The following AAK1 variants were observed in gnomAD, a reference collection of about 807,000 sequenced individuals.
AAK1 encodes the protein AP2 associated kinase 1, also known as AP2-associated protein kinase 1.
A neutral mutation model predicts 116.0 loss-of-function variants in AAK1; 37 were observed. The observed-to-expected ratio is 0.32, with a 90% CI of 0.25 to 0.42. The LOEUF is 0.42. Among genes scored for constraint, AAK1 ranks in the 10% least tolerant of loss-of-function variants. The pLI is 1.00. For synonymous variants in AAK1, 458 were observed against 439.9 expected, an observed-to-expected ratio of 1.04 and a Z score of -0.51; for missense variants, 919 against 1,170.6, an observed-to-expected ratio of 0.79 and a Z score of 3.14.
intron 13 of AAK1, 101 bp downstream of exon 13, chr2:69,514,370 C>A (rs1676502559): frequency 1.4e-6 from 2 of 1,426,516 alleles, no homozygotes; most frequent in Admixed American, 5.6e-5. Flanking sequence ...GGAAAGCAAC[C>A]TGGACCCTCA....
intron 2 of AAK1, among the ~76,000 whole-genome samples, chr2:69,600,820 G>A (rs1673542492): frequency 6.6e-6 from 1 of 152,164 alleles, no homozygotes; most frequent in Non-Finnish European, 1.5e-5. Flanking sequence ...ATGAAAGGAA[G>A]AGTTAATGGA....
chr2:69,544,091 C>T (rs922462961), intron 4 of AAK1: 26 of 200,930 alleles, frequency 1.3e-4, no homozygotes, highest in African/African-American at 5.5e-4. Context: ...GGGGAAGCTG[C>T]ACTGTTTCTT....
chr2:69,533,278 T>C (rs1293280470), intron 5 of AAK1, among the ~76,000 whole-genome samples: 1 of 152,212 alleles, frequency 6.6e-6, no homozygotes, highest in Admixed American at 6.5e-5. Context: ...GTATAAAAAA[T>C]GTATGTTGAA....
Position 69,482,795 on chromosome 2 carries a change from G to A in AAK1, c.2383C>T (p.Leu795Phe), listed in dbSNP as rs772551414. 6.2e-7 allele frequency: 1 copy of A among 1,612,968 alleles called. No individual in the cohort carries two copies. The highest frequency in any genetic ancestry group is 1.7e-5 in the Admixed American group (1 of 60,016). ...PDAPEKLIEG[L>F]KSPDTSLLLP... ...AGAAGAGAAGTGTCAGGAGATTTGA[G>A]TCCCTCAATTAGTTTTTCTACGTTG... The change falls in exon 18 of 22, where the codon CTC becomes TTC. Residue 795 changes from leucine to phenylalanine, a missense_variant. This residue lies in a region of AAK1 where 263 missense variants were observed against 285.5 expected (regional missense o/e 0.92). Coordinates refer to ENST00000409085, the MANE Select transcript of AAK1 (RefSeq NM_014911.5).
At chr2:69,558,122 C>T (rs574992144) in intron 2 of AAK1, among the ~76,000 whole-genome samples, 2 of 152,078 alleles carry the variant, frequency 1.3e-5, no homozygotes, top group African/African-American at 2.4e-5. Flanking sequence ...GCAGGCAGAT[C>T]GCTTGAGCTC....
rs112648146 is a variant in AAK1 at position 69,550,300 on chromosome 2, G to A, written c.283-5756C>T. Reference sequence around the variant, plus strand: ...TACTCATCCAAGTAACTATAAAACAGCTTAAAATGTCATTTTTTTTTCTGA... The same window carrying A: ...TACTCATCCAAGTAACTATAAAACAACTTAAAATGTCATTTTTTTTTCTGA... On this transcript the variant is annotated intron_variant, in intron 3 of 21. Transcript: ENST00000409085. Among the ~76,000 whole-genome samples the A allele has an allele frequency of 8.2e-3, 1,242 of 152,204 alleles. 15 individuals carry two copies. The highest frequency in any genetic ancestry group is 0.029 in the African/African-American group (1,191 of 41,528).
In AAK1 at chr2:69,472,904, TAATC is replaced by T; in HGVS notation, c.*2961_*2964del. On this transcript the variant is annotated 3_prime_UTR_variant, in exon 22 of 22. Transcript: ENST00000409085. ...ATTATGATTTAGGCTTCTATTCAGA[TAATC>T]AAGAAAGAGCAAGTTAGTAAAAGCC... The T allele has an allele frequency of 6.1e-6, 6 of 985,778 alleles. No homozygotes were observed. The highest frequency in any genetic ancestry group is 7.2e-6 in the Non-Finnish European group (6 of 829,832). The allele number at this position is 985,778 out of a possible 1,614,324, so 61.1% of individuals were successfully genotyped here.
intron 3 of AAK1, among the ~76,000 whole-genome samples, chr2:69,552,151 T>C (rs566959200): frequency 3.4e-4 from 51 of 150,820 alleles, no homozygotes; most frequent in African/African-American, 1.2e-3. Context: ...AGTAAGAAAT[T>C]AAAAAAAAAG....
chr2:69,598,993 CT>C, intron 2 of AAK1: 1 of 377,546 alleles, frequency 2.6e-6, no homozygotes, highest in Non-Finnish European at 5.3e-6. Flanking sequence ...GGACATGACA[CT>C]TTGTGGAAAG....
At position 69,468,427 on chromosome 2, in the gene AAK1, A is replaced by T. The variant is rs965719317; in HGVS notation, c.*7442T>A. The T allele has an allele frequency of 4.3e-5, 42 of 985,370 alleles. No homozygotes were observed. Among genetic ancestry groups the T allele is most frequent in the Admixed American group, 6.1e-5 (1 of 16,270 alleles). 61.0% of individuals were successfully genotyped at this position (985,370 alleles called of 1,614,324 possible). ...CCTTGAACCACCTTCCTCACATAGT[A>T]TCAGTTGGACAAAGTTTTCAGTTGC... On this transcript the variant is annotated 3_prime_UTR_variant, in exon 22 of 22. Transcript: ENST00000409085.
At chr2:69,527,437 A>C (rs1040454465) in intron 8 of AAK1, 118 bp from the exon 9 acceptor site, 4 of 685,754 alleles carry the variant, frequency 5.8e-6, no homozygotes, top group African/African-American at 1.8e-5. Flanking sequence ...TTTTCATAGA[A>C]GTCAGACAGT....
chr2:69,498,232 A>C (rs1037988387), intron 16 of AAK1, among the ~76,000 whole-genome samples: 1 of 152,036 alleles, frequency 6.6e-6, no homozygotes, highest in Non-Finnish European at 1.5e-5. Flanking sequence ...TCTTGGCCTC[A>C]GTGTTCTGTC....
rs139784000 is a variant in AAK1 at position 69,572,683 on chromosome 2, T to A, written c.164-15705A>T. Among the ~76,000 whole-genome samples the A allele has an allele frequency of 8.5e-4, 127 of 149,624 alleles. No homozygotes were observed. The Middle Eastern group carries it at 0.025, about 29-fold the overall frequency. On this transcript the variant is annotated intron_variant, in intron 2 of 21. Coordinates refer to ENST00000409085, the MANE Select transcript of AAK1 (RefSeq NM_014911.5). The stretch of plus-strand genomic sequence containing the variant: ...TTTATCTTGATTACTGAGTCTTGAG[T>A]GCCCCTTAAATTCTGCACTTGAGGC...
chr2:69,618,336 A>G (rs1674433330), intron 2 of AAK1, among the ~76,000 whole-genome samples: 1 of 152,188 alleles, frequency 6.6e-6, no homozygotes, highest in Non-Finnish European at 1.5e-5. Flanking sequence ...TAAGCTGCCA[A>G]ATAAATGCCA....
At chr2:69,485,928 G>A (rs576515048) in intron 17 of AAK1, among the ~76,000 whole-genome samples, 140 of 151,958 alleles carry the variant, frequency 9.2e-4, no homozygotes, top group African/African-American at 3.3e-3. Flanking sequence ...CAAAGTGCTG[G>A]GATTACAGAT....
At chr2:69,581,737 G>C (rs1051185583) in intron 2 of AAK1, among the ~76,000 whole-genome samples, 10 of 152,282 alleles carry the variant, frequency 6.6e-5, no homozygotes, top group African/African-American at 2.4e-4. Context: ...AGCACTTTGG[G>C]AGGCTGAAGT....
rs1674584292 is a variant in AAK1 at position 69,468,911 on chromosome 2, T to C, written c.*6958A>G. 1 of 985,450 alleles carries C rather than the reference T, an allele frequency of 1.0e-6. No individual in the cohort carries two copies. The highest frequency in any genetic ancestry group is 1.7e-5 in the African/African-American group (1 of 57,368). The allele number at this position is 985,450 out of a possible 1,614,324, so 61.0% of individuals were successfully genotyped here. A position where few individuals can be genotyped will look rare whatever the true frequency, so the allele number is the denominator to read the frequency against. Reference sequence around the variant, plus strand: ...ACCTTCCAACTCAGAGCATATTCTATGACCTTCATGATGAGTACTGGGAAA... The same window carrying C: ...ACCTTCCAACTCAGAGCATATTCTACGACCTTCATGATGAGTACTGGGAAA... On this transcript the variant is annotated 3_prime_UTR_variant, in exon 22 of 22. Coordinates refer to ENST00000409085, the MANE Select transcript of AAK1 (RefSeq NM_014911.5).
intron 17 of AAK1, among the ~76,000 whole-genome samples, chr2:69,488,281 C>T (rs1675383321): frequency 6.6e-6 from 1 of 151,580 alleles, no homozygotes; most frequent in African/African-American, 2.4e-5. Context: ...TGCTATGTAC[C>T]CAGGTAACAA....
At chr2:69,556,833 A>G (rs375367630) in intron 3 of AAK1, 27 bp downstream of exon 3, 1 of 1,555,390 alleles carries the variant, frequency 6.4e-7, no homozygotes, top group Non-Finnish European at 8.9e-7. Flanking sequence ...CATTTTAAAC[A>G]GTCCCAAGTC....
Sources: gnomAD v4.1 joint callset for allele counts (sites outside exome capture counted in the v4.1 genomes callset) on GRCh38, gnomAD v4.1.1 for gene constraint, gnomAD v4.1.1 regional missense constraint, MANE v1.5 for transcripts, NCBI Gene and HGNC (gene_info 2026-07-23, HGNC 2026-07-21) for gene names.